Variants in CDH13 observed in about 807,000 individuals in gnomAD.
The protein encoded by CDH13 is cadherin 13.
A neutral mutation model predicts 63.8 loss-of-function variants in CDH13; 24 were observed. That is an observed-to-expected ratio of 0.38 (90% CI 0.27 to 0.53). CDH13 has a LOEUF of 0.53. CDH13 is among the 20% of genes least tolerant of loss of function. The pLI is 0.85. For missense variants in CDH13, 1,049 were observed against 903.1 expected, an observed-to-expected ratio of 1.16 and a Z score of -2.07; for synonymous variants, 503 against 355.3, an observed-to-expected ratio of 1.42 and a Z score of -4.67.
At chr16:83,012,430 A>G (rs1914261415) in intron 2 of CDH13, among the ~76,000 whole-genome samples, 1 of 150,350 alleles carries the variant, frequency 6.7e-6, no homozygotes, top group African/African-American at 2.5e-5. Flanking sequence ...CTATTTTCCT[A>G]CCACCTTTGG....
chr16:82,864,256 T>A (rs964791837), intron 2 of CDH13, among the ~76,000 whole-genome samples: 1 of 152,216 alleles, frequency 6.6e-6, no homozygotes, highest in African/African-American at 2.4e-5. Context: ...ATGAAGGGAC[T>A]CCTGTCCATG....
intron 3 of CDH13, among the ~76,000 whole-genome samples, chr16:83,051,711 C>T (rs768831276): frequency 6.6e-6 from 1 of 152,208 alleles, no homozygotes; most frequent in Non-Finnish European, 1.5e-5. Context: ...TGGACCACAG[C>T]AGCCAGATCT....
At chr16:83,303,879 G>C (rs2089810459) in intron 5 of CDH13, among the ~76,000 whole-genome samples, 1 of 152,066 alleles carries the variant, frequency 6.6e-6, no homozygotes, top group Non-Finnish European at 1.5e-5. Flanking sequence ...GCTTAGTGGG[G>C]CATCTTGGGT....
intron 2 of CDH13, among the ~76,000 whole-genome samples, chr16:82,982,572 G>T (rs970381075): frequency 2.6e-5 from 4 of 152,126 alleles, no homozygotes; most frequent in Non-Finnish European, 4.4e-5. Flanking sequence ...CTATGTGGAA[G>T]ATTTTTTCTG....
chr16:83,186,147 T>G (rs1042317117), intron 4 of CDH13, among the ~76,000 whole-genome samples: 5 of 132,694 alleles, frequency 3.8e-5, no homozygotes, highest in African/African-American at 1.2e-4. Context: ...TTTATTTTAT[T>G]TTATTTGAGA....
At chr16:82,912,941 TA>T (rs761888655) in intron 2 of CDH13, among the ~76,000 whole-genome samples, 2,076 of 128,934 alleles carry the variant, frequency 0.016, 11 homozygotes, top group Non-Finnish European at 0.022. Context: ...AGACTGTGAC[TA>T]AAAAAAAAAA....
At chr16:82,927,534 A>T (rs535045533) in intron 2 of CDH13, among the ~76,000 whole-genome samples, 1 of 152,276 alleles carries the variant, frequency 6.6e-6, no homozygotes, top group Admixed American at 6.5e-5. Context: ...CATATGTGCC[A>T]TTTTCTCTTC....
intron 5 of CDH13, among the ~76,000 whole-genome samples, chr16:83,263,816 A>G (rs770879169): frequency 6.6e-6 from 1 of 152,152 alleles, no homozygotes; most frequent in South Asian, 2.1e-4. Flanking sequence ...TTTCCTGCCC[A>G]TGTGTACTAC....
intron 2 of CDH13, among the ~76,000 whole-genome samples, chr16:82,988,150 G>C (rs191089774): frequency 6.6e-6 from 1 of 152,132 alleles, no homozygotes; most frequent in South Asian, 2.1e-4. Context: ...ACCCAGGGTC[G>C]TGTGTGTACA....
At chr16:82,995,361 A>C (rs190046671) in intron 2 of CDH13, among the ~76,000 whole-genome samples, 38 of 152,338 alleles carry the variant, frequency 2.5e-4, no homozygotes, top group Admixed American at 5.9e-4. Context: ...CCACTAAGAC[A>C]TGAGTGAGCG....
At chr16:83,054,718 CA>C (rs748192153) in intron 3 of CDH13, among the ~76,000 whole-genome samples, 42 of 151,958 alleles carry the variant, frequency 2.8e-4, no homozygotes, top group Non-Finnish European at 5.2e-4. Flanking sequence ...TAGAAGTAGT[CA>C]AAATAGAAAA....
chr16:82,863,480 A>T (rs535489587), intron 2 of CDH13, among the ~76,000 whole-genome samples: 1 of 149,338 alleles, frequency 6.7e-6, no homozygotes, highest in South Asian at 2.1e-4. Context: ...TCAAATGTGC[A>T]CACAGTCATC....
chr16:82,800,441 C>T (rs1456647522), intron 1 of CDH13, among the ~76,000 whole-genome samples: 1 of 152,126 alleles, frequency 6.6e-6, no homozygotes, highest in African/African-American at 2.4e-5. Flanking sequence ...GAGTTCTTAA[C>T]TTGGGATCTA....
intron 2 of CDH13, among the ~76,000 whole-genome samples, chr16:82,905,378 A>G (rs950043683): frequency 1.3e-5 from 2 of 152,116 alleles, no homozygotes. Context: ...AAGGAGGAAG[A>G]AGTTACCATA....
chr16:82,929,344 T>C (rs1016290209), intron 2 of CDH13, among the ~76,000 whole-genome samples: 11 of 151,956 alleles, frequency 7.2e-5, no homozygotes, highest in Non-Finnish European at 1.5e-4. Context: ...CTCGTCCTTT[T>C]CTACTACATG....
chr16:83,375,370 G>C (rs1346468326), intron 6 of CDH13, among the ~76,000 whole-genome samples: 1 of 152,212 alleles, frequency 6.6e-6, no homozygotes, highest in Non-Finnish European at 1.5e-5. Context: ...TTTAAGGAGG[G>C]TCTGAAGTGT....
intron 1 of CDH13, among the ~76,000 whole-genome samples, chr16:82,704,333 G>A (rs548354937): frequency 6.6e-6 from 1 of 152,202 alleles, no homozygotes; most frequent in African/African-American, 2.4e-5. Flanking sequence ...TGTCCACCCG[G>A]ATTGCTCTGG....
At chr16:82,821,057 G>T (rs1050186490) in intron 1 of CDH13, among the ~76,000 whole-genome samples, 2 of 152,166 alleles carry the variant, frequency 1.3e-5, no homozygotes, top group African/African-American at 2.4e-5. Context: ...CTGGAGACCA[G>T]CTGCTGTCAG....
intron 7 of CDH13, among the ~76,000 whole-genome samples, chr16:83,574,683 C>G (rs1213433237): frequency 6.6e-6 from 1 of 152,170 alleles, no homozygotes; most frequent in Non-Finnish European, 1.5e-5. Context: ...CCTTCTCTTC[C>G]CCTCCCACTT....
Sources: gnomAD v4.1 joint callset for allele counts (sites outside exome capture counted in the v4.1 genomes callset) on GRCh38, gnomAD v4.1.1 for gene constraint, MANE v1.5 for transcripts, NCBI Gene and HGNC (gene_info 2026-07-23, HGNC 2026-07-21) for gene names.